The following ART3 variants were observed in gnomAD, a reference collection of about 807,000 sequenced individuals.
The protein encoded by ART3 is ADP-ribosyltransferase 3 (inactive).
In ART3, 49 loss-of-function variants were observed where a neutral mutation model predicts 48.5. The ratio of observed to expected loss-of-function variants is 1.01; its 90% CI spans 0.80 to 1.28. The LOEUF (loss-of-function observed/expected upper bound fraction) is 1.28, where lower values mean the gene tolerates loss of function less well. Among genes scored for constraint, ART3 ranks in the 50% most tolerant of loss-of-function variants. The pLI, the probability that ART3 is intolerant of heterozygous loss-of-function variation, is 0.00. For missense variants in ART3, 438 were observed against 454.3 expected, an observed-to-expected ratio of 0.96 and a Z score of 0.33; for synonymous variants, 145 against 157.2, an observed-to-expected ratio of 0.92 and a Z score of 0.58.
chr4:76,070,129 T>A (rs1720163359), upstream of ART3, among the ~76,000 whole-genome samples: 1 of 152,238 alleles, frequency 6.6e-6, no homozygotes, highest in African/African-American at 2.4e-5. Context: ...TGTGAACATT[T>A]GACAGGTGTG....
intron 9 of ART3, 45 bp from the exon 10 acceptor site, chr4:76,104,548 TACTC>T: frequency 1.3e-6 from 2 of 1,551,296 alleles, no homozygotes; most frequent in African/African-American, 2.7e-5. Context: ...TTGAAAATTA[TACTC>T]AGTGGAGCAA....
intron 1 of ART3, among the ~76,000 whole-genome samples, chr4:76,043,019 G>A (rs75421611): frequency 0.32 from 48,144 of 151,268 alleles, 8,890 homozygotes; most frequent in African/African-American, 0.47. Flanking sequence ...ACAGAGTGTC[G>A]ACACAGAGGT....
intron 1 of ART3, among the ~76,000 whole-genome samples, chr4:76,017,774 G>T (rs1732399491): frequency 6.6e-6 from 1 of 152,204 alleles, no homozygotes. Context: ...CCACTAGGAT[G>T]GGTGATTCCC....
At chr4:76,022,803 T>C in intron 1 of ART3, 1 of 1,610,132 alleles carries the variant, frequency 6.2e-7, no homozygotes, top group South Asian at 1.1e-5. Flanking sequence ...CGTACAGTTC[T>C]AGAGAGAGGT....
chr4:76,094,436 G>A (rs1357271101), intron 3 of ART3, among the ~76,000 whole-genome samples: 1 of 152,164 alleles, frequency 6.6e-6, no homozygotes, highest in African/African-American at 2.4e-5. Flanking sequence ...CAGATGCTGT[G>A]AATTTTACCT....
At chr4:76,068,943 C>CT (rs1229792834) in intron 1 of ART3, among the ~76,000 whole-genome samples, 2 of 152,228 alleles carry the variant, frequency 1.3e-5, no homozygotes, top group Admixed American at 6.5e-5. Flanking sequence ...ACTCCAACCA[C>CT]TGTGCATGGC....
intron 10 of ART3, 104 bp from the exon 11 acceptor site, chr4:76,107,657 C>T: frequency 1.4e-6 from 1 of 721,334 alleles, no homozygotes; most frequent in Non-Finnish European, 2.3e-6. Flanking sequence ...CCCCTCAGAC[C>T]CACTCACAGA....
At chr4:76,077,909 G>T (rs1362180099) in intron 2 of ART3, among the ~76,000 whole-genome samples, 1 of 152,132 alleles carries the variant, frequency 6.6e-6, no homozygotes, top group Non-Finnish European at 1.5e-5. Flanking sequence ...ATATGAAGTG[G>T]TATTTCATTG....
chr4:76,052,718 C>CTTTTT (rs55799556), intron 1 of ART3, among the ~76,000 whole-genome samples: 1 of 115,136 alleles, frequency 8.7e-6, no homozygotes, highest in Admixed American at 8.5e-5. Flanking sequence ...TTTTTTCCTT[C>CTTTTT]TTTTTTTTTT....
At chr4:76,035,423 G>T in intron 1 of ART3, 1 of 1,440,548 alleles carries the variant, frequency 6.9e-7, no homozygotes, top group Non-Finnish European at 9.5e-7. Flanking sequence ...GTGAACGTGA[G>T]CAGAATTTTC....
chr4:76,067,744 C>G (rs1367754863), intron 1 of ART3, among the ~76,000 whole-genome samples: 1 of 152,216 alleles, frequency 6.6e-6, no homozygotes, highest in Non-Finnish European at 1.5e-5. Flanking sequence ...TTAGTCACTT[C>G]AAAGTTGAAA....
At chr4:76,056,552 A>G (rs540744609) in intron 1 of ART3, among the ~76,000 whole-genome samples, 16 of 152,308 alleles carry the variant, frequency 1.1e-4, no homozygotes, top group African/African-American at 2.6e-4. Flanking sequence ...GCCAAGAACC[A>G]GCATTATAGT....
At chr4:76,043,291 C>A (rs1735155508) in intron 1 of ART3, among the ~76,000 whole-genome samples, 1 of 152,006 alleles carries the variant, frequency 6.6e-6, no homozygotes, top group Non-Finnish European at 1.5e-5. Context: ...GTGCTGTGTG[C>A]CCACACTCCT....
chr4:76,090,401 C>A (rs911072305), intron 3 of ART3, among the ~76,000 whole-genome samples: 1 of 152,174 alleles, frequency 6.6e-6, no homozygotes, highest in Non-Finnish European at 1.5e-5. Flanking sequence ...CAGTAACAGC[C>A]CTGCAGAAAG....
chr4:76,045,385 G>C (rs573714562), intron 1 of ART3, among the ~76,000 whole-genome samples: 2 of 152,158 alleles, frequency 1.3e-5, no homozygotes. Context: ...TTGTCTGATA[G>C]CCATAAACTT....
chr4:76,085,942 C>T (rs1208183921), intron 3 of ART3, among the ~76,000 whole-genome samples: 2 of 151,998 alleles, frequency 1.3e-5, no homozygotes, highest in Non-Finnish European at 2.9e-5. Context: ...CGTGGTGCCA[C>T]GTGCCTGTAA....
rs939942638 is a variant in ART3, at chr4:76,027,267, GA to G, written c.-10+15954del. Among the ~76,000 whole-genome samples the G allele has an allele frequency of 1.2e-3, 182 of 151,950 alleles. 1 individual carries two copies. Among genetic ancestry groups the G allele is most frequent in the Non-Finnish European group, 9.6e-4 (65 of 67,918 alleles). On this transcript the variant is annotated intron_variant, in intron 1 of 9. Transcript: ENST00000341029. ...AAACTCCGTTTCAAAAAAAAGAAAA[GA>G]AAAAAAGAAACTTTATGATCAGTAC...
At chr4:76,051,315 T>C (rs68156651) in intron 1 of ART3, among the ~76,000 whole-genome samples, 88,811 of 151,642 alleles carry the variant, frequency 0.59, 26,842 homozygotes, top group East Asian at 0.94. Context: ...TTTTTAAGAG[T>C]TCTTAGTAGA....
chr4:76,047,977 A>G (rs541920281), intron 1 of ART3, among the ~76,000 whole-genome samples: 1 of 151,970 alleles, frequency 6.6e-6, no homozygotes, highest in East Asian at 1.9e-4. Flanking sequence ...GGGGACAGGT[A>G]CCCGGGTTGG....
Sources: gnomAD v4.1 joint callset for allele counts (sites outside exome capture counted in the v4.1 genomes callset) on GRCh38, gnomAD v4.1.1 for gene constraint, MANE v1.5 for transcripts, NCBI Gene and HGNC (gene_info 2026-07-23, HGNC 2026-07-21) for gene names.